WDR31: variants seen among roughly 807,000 people sequenced by gnomAD.
WDR31 encodes WD repeat domain 31.
A neutral mutation model predicts 47.3 loss-of-function variants in WDR31; 30 were observed. The ratio of observed to expected loss-of-function variants is 0.63; its 90% CI spans 0.47 to 0.86. The LOEUF is 0.86. Among genes scored for constraint, WDR31 ranks in the 40% least tolerant of loss-of-function variants. The pLI is 0.00. For missense variants in WDR31, 406 were observed against 442.9 expected (o/e 0.92, Z 0.75); for synonymous variants, 137 against 159.4 (o/e 0.86, Z 1.06).
rs1833131560 is a variant in WDR31 at position 113,313,989 on chromosome 9, C to G, written c.*2760G>C. 6.6e-6 allele frequency: 1 copy of G among 150,672 alleles called. No homozygotes were observed. Among genetic ancestry groups the G allele is most frequent in the Non-Finnish European group, 1.5e-5 (1 of 68,078 alleles). 9.3% of individuals were successfully genotyped at this position (150,672 alleles called of 1,614,324 possible). On this transcript the variant is annotated 3_prime_UTR_variant, in exon 11 of 11. Coordinates refer to ENST00000374193, the MANE Select transcript of WDR31 (RefSeq NM_001012361.4). ...CCTGGCTAACACGGTGAAATCCCGT[C>G]TCTACTAAAAACACAAAAAAATTAG...
At chr9:113,330,692 T>C (rs1225824863) in intron 4 of WDR31, among the ~76,000 whole-genome samples, 2 of 152,206 alleles carry the variant, frequency 1.3e-5, no homozygotes, top group Admixed American at 6.5e-5. Flanking sequence ...TGGTCAGGCA[T>C]AGTGTTAAGA....
intron 5 of WDR31, among the ~76,000 whole-genome samples, chr9:113,326,063 C>T (rs944512369): frequency 6.6e-6 from 1 of 152,164 alleles, no homozygotes; most frequent in African/African-American, 2.4e-5. Flanking sequence ...AGGCATGCGC[C>T]ACCACACCTG....
intron 2 of WDR31, among the ~76,000 whole-genome samples, chr9:113,333,300 A>C (rs372573960): frequency 4.1e-5 from 5 of 120,620 alleles, no homozygotes; most frequent in African/African-American, 1.0e-4. Context: ...AATAATTTAC[A>C]CTACTGAAGC....
At chr9:113,333,548 A>G (rs1833648186) in intron 2 of WDR31, among the ~76,000 whole-genome samples, 1 of 147,890 alleles carries the variant, frequency 6.8e-6, no homozygotes, top group African/African-American at 2.5e-5. Flanking sequence ...CGCCCGGCTA[A>G]TTTTTTGTAT....
chr9:113,324,736 T>C (rs1231585493), intron 5 of WDR31, among the ~76,000 whole-genome samples: 1 of 152,076 alleles, frequency 6.6e-6, no homozygotes, highest in Non-Finnish European at 1.5e-5. Flanking sequence ...TGTATGTATA[T>C]TACCGCATTT....
At chr9:113,336,724 T>C (rs1833722051) in intron 1 of WDR31, among the ~76,000 whole-genome samples, 1 of 152,348 alleles carries the variant, frequency 6.6e-6, no homozygotes, top group Admixed American at 6.5e-5. Flanking sequence ...TTACTGCTTT[T>C]GTGAAAAAGG....
chr9:113,331,113 C>G lies in WDR31; in HGVS notation c.120G>C (p.Arg40Ser), dbSNP rs1013839245. Residue 40 changes from arginine to serine, a missense_variant, in exon 4 of 11, where the codon AGG becomes AGC. Transcript: ENST00000374193. Reference protein sequence around the residue: ...KLKHSTYKYGRPDEIIEERIQ... With the variant: ...KLKHSTYKYGSPDEIIEERIQ... ...TTCTCTCTTCTATAATTTCATCAGGCCTGCTAAAAAGAGTATAGAAAATGA... is the reference window on the plus strand; with the variant it reads ...TTCTCTCTTCTATAATTTCATCAGGGCTGCTAAAAAGAGTATAGAAAATGA... The G allele has an allele frequency of 6.4e-7, 1 of 1,567,560 alleles. No homozygotes were observed. The highest frequency in any genetic ancestry group is 1.7e-5 in the Admixed American group (1 of 58,574).
chr9:113,322,415 G>T (rs1003526416), intron 7 of WDR31, among the ~76,000 whole-genome samples: 12 of 151,998 alleles, frequency 7.9e-5, no homozygotes, highest in African/African-American at 2.7e-4. Flanking sequence ...TAAAGCAAAA[G>T]GTAATGCTTA....
At chr9:113,332,540 G>A (rs1292842917) in intron 2 of WDR31, among the ~76,000 whole-genome samples, 2 of 152,158 alleles carry the variant, frequency 1.3e-5, no homozygotes, top group African/African-American at 4.8e-5. Flanking sequence ...AAAGAAGCCA[G>A]ACATGAAAGG....
At chr9:113,329,439 G>C (rs1379207610) in intron 4 of WDR31, among the ~76,000 whole-genome samples, 1 of 151,622 alleles carries the variant, frequency 6.6e-6, no homozygotes, top group Non-Finnish European at 1.5e-5. Flanking sequence ...TCGGGAGTTT[G>C]AGACCAGACT....
chr9:113,333,685 T>TA (rs1387591330), intron 2 of WDR31, among the ~76,000 whole-genome samples: 2 of 147,740 alleles, frequency 1.4e-5, no homozygotes, highest in Admixed American at 1.4e-4. Flanking sequence ...CCGGCCGGAT[T>TA]TTTTTTTTTT....
chr9:113,324,775 T>G (rs1371213931), intron 5 of WDR31, among the ~76,000 whole-genome samples: 1 of 151,924 alleles, frequency 6.6e-6, no homozygotes, highest in Admixed American at 6.6e-5. Flanking sequence ...TCAAAGGACA[T>G]TTGGGTTGTT....
At chr9:113,318,691 G>C (rs911648358) in intron 9 of WDR31, 54 bp from the exon 10 acceptor site, 1 of 1,590,626 alleles carries the variant, frequency 6.3e-7, no homozygotes, top group African/African-American at 1.3e-5. Context: ...CTTCATCCAT[G>C]AATATCTATC....
chr9:113,325,444 T>C (rs1342504047), intron 5 of WDR31, among the ~76,000 whole-genome samples: 2 of 152,102 alleles, frequency 1.3e-5, no homozygotes, highest in Admixed American at 1.3e-4. Context: ...CTTCTTTTTC[T>C]ATAAAATTGT....
At chr9:113,330,837 G>A (rs1833579418) in intron 4 of WDR31, 147 bp downstream of exon 4, 2 of 902,388 alleles carry the variant, frequency 2.2e-6, no homozygotes, top group Non-Finnish European at 3.2e-6. Flanking sequence ...GCCAAGCAGG[G>A]ATTTAAATCC....
At chr9:113,324,858 G>A (rs1381137623) in intron 5 of WDR31, among the ~76,000 whole-genome samples, 4 of 140,790 alleles carry the variant, frequency 2.8e-5, no homozygotes, top group African/African-American at 1.0e-4. Flanking sequence ...GTGTGTGTGT[G>A]TGTGTGTGTG....
At chr9:113,320,585 T>C in intron 8 of WDR31, 87 bp from the exon 9 acceptor site, 1 of 1,521,556 alleles carries the variant, frequency 6.6e-7, no homozygotes, top group Non-Finnish European at 8.9e-7. Context: ...AAGTCTTGGC[T>C]CTTTGCTGCA....
Position 113,322,968 on chromosome 9 carries a change from C to T in WDR31, c.469+43G>A, listed in dbSNP as rs1228418545. 1.9e-6 allele frequency: 3 copies of T among 1,613,652 alleles called. No homozygotes were observed. In the East Asian group the frequency reaches 6.7e-5, roughly 36 times the overall value. ...GAGTGGGGACCTGAACGGGGCTTTT[C>T]AGAAAGCACAAAGGCATTGGGAAGA... is the stretch of plus-strand genomic sequence containing the variant. On this transcript the variant is annotated intron_variant, in intron 6 of 10. Coordinates refer to ENST00000374193, the MANE Select transcript of WDR31 (RefSeq NM_001012361.4).
intron 2 of WDR31, among the ~76,000 whole-genome samples, chr9:113,332,801 G>T (rs1564313021): frequency 6.6e-6 from 1 of 152,090 alleles, no homozygotes; most frequent in Non-Finnish European, 1.5e-5. Context: ...GAGGTGTTTC[G>T]GTCATGTGAC....
Sources: allele counts gnomAD v4.1 joint callset (sites outside exome capture counted in the v4.1 genomes callset), GRCh38; gene constraint gnomAD v4.1.1; transcripts MANE v1.5; gene names NCBI Gene and HGNC (gene_info 2026-07-23, HGNC 2026-07-21).